ANO1: variants seen among roughly 807,000 people sequenced by gnomAD.
ANO1 encodes anoctamin-1.
ANO1 carries 59 observed loss-of-function variants against 124.0 expected under a neutral mutation model. The ratio of observed to expected loss-of-function variants is 0.48; its 90% CI spans 0.39 to 0.59. ANO1 has a LOEUF of 0.59. Ranked by LOEUF, ANO1 falls within the 20% of genes least tolerant of loss-of-function variation. ANO1 has a pLI of 0.00. For synonymous variants in ANO1, 529 were observed against 532.0 expected (o/e 0.99, Z 0.08); for missense variants, 1,059 against 1,328.0 (o/e 0.80, Z 3.15).
At chr11:70,090,824 A>G (rs2044596585) in intron 2 of ANO1, among the ~76,000 whole-genome samples, 1 of 152,240 alleles carries the variant, frequency 6.6e-6, no homozygotes. Flanking sequence ...GAGGCTTTTC[A>G]GCAGTTGATC....
At chr11:70,163,583 C>G in intron 19 of ANO1, 1 of 606,350 alleles carries the variant, frequency 1.6e-6, no homozygotes, top group Non-Finnish European at 2.9e-6. Flanking sequence ...GAAAGAAAAA[C>G]ACAACATCTG....
chr11:70,016,796 G>A (rs781937207), intron 1 of ANO1, among the ~76,000 whole-genome samples: 3 of 152,142 alleles, frequency 2.0e-5, no homozygotes, highest in Non-Finnish European at 2.9e-5. Context: ...AGACATTGTG[G>A]GCAAAGGAGA....
intron 23 of ANO1, among the ~76,000 whole-genome samples, chr11:70,181,786 A>G (rs1360285775): frequency 6.6e-5 from 10 of 152,088 alleles, no homozygotes; most frequent in African/African-American, 2.4e-4. Context: ...CTGAAAAAAA[A>G]AAAAAAAGTA....
intron 2 of ANO1, among the ~76,000 whole-genome samples, chr11:70,092,868 A>C (rs140075004): frequency 6.6e-6 from 1 of 152,296 alleles, no homozygotes; most frequent in African/African-American, 2.4e-5. Flanking sequence ...ATGGGCACTC[A>C]GATCCACAGG....
intron 1 of ANO1, among the ~76,000 whole-genome samples, chr11:70,061,199 C>T (rs1236266232): frequency 6.6e-6 from 1 of 151,850 alleles, no homozygotes; most frequent in Non-Finnish European, 1.5e-5. Flanking sequence ...TACTCGGTAC[C>T]CCTTTGAGTA....
chr11:70,158,274 C>T (rs2047902917), intron 16 of ANO1, among the ~76,000 whole-genome samples: 1 of 152,192 alleles, frequency 6.6e-6, no homozygotes, highest in African/African-American at 2.4e-5. Context: ...GTGTTTCCAT[C>T]ACCCCCCAAG....
intron 2 of ANO1, among the ~76,000 whole-genome samples, chr11:70,101,454 G>A (rs2045269930): frequency 6.6e-6 from 1 of 151,892 alleles, no homozygotes; most frequent in African/African-American, 2.4e-5. Context: ...TACTCAGGAG[G>A]CTGAGGTAGG....
In ANO1 at chr11:70,189,243, G is replaced by C. The variant is rs2135883364; in HGVS notation, c.*1239G>C. The C allele has an allele frequency of 6.5e-6, 1 of 152,708 alleles. No homozygotes were observed. Among genetic ancestry groups the C allele is most frequent in the East Asian group, 1.9e-4 (1 of 5,186 alleles). The allele number at this position is 152,708 out of a possible 1,614,324, so 9.5% of individuals were successfully genotyped here. ...GGAAAAATAGAAATAAATTTGTCTT[G>C]AAGATCTCATTGATGTGATGTTACA... is the stretch of plus-strand genomic sequence containing the variant. On this transcript the variant is annotated 3_prime_UTR_variant, in exon 26 of 26. Coordinates refer to ENST00000355303, the MANE Select transcript of ANO1 (RefSeq NM_018043.7).
chr11:70,170,769 G>A, intron 21 of ANO1, 118 bp from the exon 22 acceptor site: 1 of 1,298,720 alleles, frequency 7.7e-7, no homozygotes, highest in Non-Finnish European at 1.1e-6. Context: ...CATGCAGGTG[G>A]GCTCGTTGGA....
intron 14 of ANO1, 62 bp from the exon 15 acceptor site, chr11:70,155,849 C>A (rs755561388): frequency 5.5e-6 from 8 of 1,443,998 alleles, no homozygotes; most frequent in South Asian, 2.7e-5. Flanking sequence ...CTGGGCCCCG[C>A]GGTCTGCGGT....
At chr11:69,990,305 G>A (rs909501370) in intron 1 of ANO1, among the ~76,000 whole-genome samples, 4 of 152,166 alleles carry the variant, frequency 2.6e-5, no homozygotes, top group Admixed American at 1.3e-4. Flanking sequence ...TAAGGCATCC[G>A]TGTTGTAGCA....
At chr11:69,973,739 G>A in the ANO1 span, among the ~76,000 whole-genome samples, 1 of 151,858 alleles carries the variant, frequency 6.6e-6, no homozygotes, top group South Asian at 2.1e-4. Context: ...GGGCGTGGTG[G>A]TGCGTGCCTG....
intron 1 of ANO1, among the ~76,000 whole-genome samples, chr11:70,013,625 A>G (rs1057271944): frequency 2.8e-4 from 43 of 151,704 alleles, no homozygotes; most frequent in Non-Finnish European, 5.6e-4. Context: ...CTAAAACAAA[A>G]CAAAACAAAA....
At chr11:70,108,302 G>A (rs534462014) in intron 5 of ANO1, 51 bp from the exon 6 acceptor site, 38 of 1,573,746 alleles carry the variant, frequency 2.4e-5, no homozygotes, top group Admixed American at 1.0e-4. Flanking sequence ...GTTTCTGCTC[G>A]TGGAAGGTGC....
rs192132623 is a variant in ANO1 at position 70,179,910 on chromosome 11, C to T, written c.2351-94C>T. On this transcript the variant is annotated intron_variant, in intron 22 of 25. Coordinates refer to ENST00000355303, the MANE Select transcript of ANO1 (RefSeq NM_018043.7). ...CTGACTGCTGTGAGAAAGCCTGGCC[C>T]CTGCAAGGGTGGTACCCGCTCAGAC... 6.8e-6 allele frequency: 8 copies of T among 1,172,504 alleles called. 1 individual carries two copies. Among genetic ancestry groups the T allele is most frequent in the South Asian group, 1.2e-5 (1 of 81,220 alleles). The allele number at this position is 1,172,504 out of a possible 1,614,324, so 72.6% of individuals were successfully genotyped here. A position where few individuals can be genotyped will look rare whatever the true frequency, so the allele number is the denominator to read the frequency against.
intron 16 of ANO1, among the ~76,000 whole-genome samples, chr11:70,158,788 G>T (rs2135694413): frequency 6.6e-6 from 1 of 152,264 alleles, no homozygotes; most frequent in Non-Finnish European, 1.5e-5. Flanking sequence ...CCAGAGGAGG[G>T]TGGCCTCAGT....
intron 8 of ANO1, among the ~76,000 whole-genome samples, chr11:70,123,424 G>A (rs1002182815): frequency 6.6e-6 from 1 of 152,222 alleles, no homozygotes; most frequent in Non-Finnish European, 1.5e-5. Context: ...GGCACGCGAG[G>A]CTATGTCAGC....
chr11:70,108,243 G>A, intron 5 of ANO1, 110 bp from the exon 6 acceptor site: 1 of 1,020,000 alleles, frequency 9.8e-7, no homozygotes, highest in Middle Eastern at 2.2e-4. Flanking sequence ...GCACCAAGGA[G>A]GTCTTCATGC....
At chr11:70,108,250 A>G (rs1170269032) in intron 5 of ANO1, 103 bp from the exon 6 acceptor site, 2 of 1,141,806 alleles carry the variant, frequency 1.8e-6, no homozygotes, top group African/African-American at 3.0e-5. Context: ...GGAGGTCTTC[A>G]TGCGTAACGT....
Sources: gnomAD v4.1 joint callset for allele counts (sites outside exome capture counted in the v4.1 genomes callset) on GRCh38, gnomAD v4.1.1 for gene constraint, MANE v1.5 for transcripts, NCBI Gene and HGNC (gene_info 2026-07-23, HGNC 2026-07-21) for gene names.